RABGAP1L: variants seen among roughly 807,000 people sequenced by gnomAD.
The protein encoded by RABGAP1L is RAB GTPase activating protein 1 like.
A neutral mutation model predicts 137.7 loss-of-function variants in RABGAP1L; 63 were observed. The ratio of observed to expected loss-of-function variants is 0.46; its 90% confidence interval spans 0.37 to 0.56. The LOEUF is 0.56. RABGAP1L is among the 20% of genes least tolerant of loss of function. The pLI is 0.00. For synonymous variants in RABGAP1L, 431 were observed against 433.7 expected, an observed-to-expected ratio of 0.99 and a Z score of 0.08; for missense variants, 1,095 against 1,244.0, an observed-to-expected ratio of 0.88 and a Z score of 1.80.
intron 13 of RABGAP1L, among the ~76,000 whole-genome samples, chr1:174,396,420 A>G (rs1004237739): frequency 6.6e-6 from 1 of 152,026 alleles, no homozygotes; most frequent in African/African-American, 2.4e-5. Flanking sequence ...TTTACATCCT[A>G]TCTAAATTTC....
At chr1:174,608,097 C>T (rs989023526) in intron 13 of RABGAP1L, among the ~76,000 whole-genome samples, 8 of 152,132 alleles carry the variant, frequency 5.3e-5, no homozygotes, top group Admixed American at 3.9e-4. Flanking sequence ...CAAAGCATTT[C>T]GCAGGGCAGA....
At chr1:174,393,447 G>T (rs572458123) in intron 12 of RABGAP1L, among the ~76,000 whole-genome samples, 3 of 152,308 alleles carry the variant, frequency 2.0e-5, no homozygotes, top group Admixed American at 2.0e-4. Flanking sequence ...GTGGCCGCCA[G>T]GTAAAACTTG....
At chr1:174,470,785 A>T (rs1657829488) in intron 13 of RABGAP1L, among the ~76,000 whole-genome samples, 1 of 151,816 alleles carries the variant, frequency 6.6e-6, no homozygotes, top group African/African-American at 2.4e-5. Flanking sequence ...AAAAAAAATC[A>T]AAATAAAAAC....
At chr1:174,242,780 A>AT (rs915241696) in intron 5 of RABGAP1L, among the ~76,000 whole-genome samples, 5 of 152,114 alleles carry the variant, frequency 3.3e-5, no homozygotes, top group South Asian at 4.1e-4. Flanking sequence ...GGCTTTATCT[A>AT]TTTTTTTCCC....
chr1:174,427,674 G>A (rs1652121862), intron 13 of RABGAP1L, among the ~76,000 whole-genome samples: 1 of 152,022 alleles, frequency 6.6e-6, no homozygotes, highest in Non-Finnish European at 1.5e-5. Flanking sequence ...TATATTCTGG[G>A]TGGTTTTAAG....
At chr1:174,587,297 G>T (rs1669191574) in intron 13 of RABGAP1L, among the ~76,000 whole-genome samples, 1 of 107,080 alleles carries the variant, frequency 9.3e-6, no homozygotes, top group Non-Finnish European at 1.7e-5. Flanking sequence ...CTGTTGTGGG[G>T]TGGGGGGAGG....
intron 1 of RABGAP1L, among the ~76,000 whole-genome samples, chr1:174,197,282 T>G (rs907607820): frequency 1.3e-5 from 2 of 152,230 alleles, no homozygotes; most frequent in Admixed American, 6.5e-5. Flanking sequence ...TAAACCCAAG[T>G]GTCTGACTCC....
At chr1:174,802,063 C>G (rs1688808820) in intron 18 of RABGAP1L, among the ~76,000 whole-genome samples, 2 of 152,134 alleles carry the variant, frequency 1.3e-5, no homozygotes, top group Admixed American at 1.3e-4. Flanking sequence ...ATACTCAACT[C>G]TGCATTAGGG....
chr1:174,743,584 G>A (rs1683626636), intron 17 of RABGAP1L, among the ~76,000 whole-genome samples: 2 of 151,818 alleles, frequency 1.3e-5, no homozygotes, highest in Non-Finnish European at 1.5e-5. Context: ...AACCCCCTAT[G>A]TCACAAGTTT....
intron 1 of RABGAP1L, among the ~76,000 whole-genome samples, chr1:174,173,112 T>C (rs1307586775): frequency 1.3e-5 from 2 of 152,040 alleles, no homozygotes; most frequent in Admixed American, 6.6e-5. Flanking sequence ...TTTTGCTTTT[T>C]CCCCTCCAAG....
At chr1:174,778,067 A>G (rs1206946970) in intron 18 of RABGAP1L, among the ~76,000 whole-genome samples, 1 of 152,206 alleles carries the variant, frequency 6.6e-6, no homozygotes, top group African/African-American at 2.4e-5. Flanking sequence ...AAGTTTAGTG[A>G]ATTCCAAGCA....
chr1:174,496,048 A>T (rs1251542335), intron 13 of RABGAP1L, among the ~76,000 whole-genome samples: 1 of 151,724 alleles, frequency 6.6e-6, no homozygotes, highest in Non-Finnish European at 1.5e-5. Flanking sequence ...TTGAGTTTAA[A>T]TTTTTTTTTC....
chr1:174,330,189 C>A (rs549372240), intron 11 of RABGAP1L, among the ~76,000 whole-genome samples: 1 of 152,032 alleles, frequency 6.6e-6, no homozygotes, highest in Non-Finnish European at 1.5e-5. Flanking sequence ...AACTAATAAA[C>A]AAATTCAGTA....
chr1:174,309,909 T>A (rs928898500), intron 11 of RABGAP1L, among the ~76,000 whole-genome samples: 2 of 152,146 alleles, frequency 1.3e-5, no homozygotes, highest in African/African-American at 4.8e-5. Context: ...CTCTTGAAAT[T>A]TTTGGAAAAG....
At chr1:174,694,232 G>T (rs1044526279) in intron 15 of RABGAP1L, among the ~76,000 whole-genome samples, 6 of 150,832 alleles carry the variant, frequency 4.0e-5, no homozygotes, top group African/African-American at 1.5e-4. Context: ...AAGTTTTAGG[G>T]TACATGTGCA....
chr1:174,649,766 T>G (rs1214790067), intron 14 of RABGAP1L, among the ~76,000 whole-genome samples: 1 of 152,170 alleles, frequency 6.6e-6, no homozygotes, highest in Non-Finnish European at 1.5e-5. Context: ...AGATATGCAA[T>G]GATGTCATCT....
intron 17 of RABGAP1L, among the ~76,000 whole-genome samples, chr1:174,736,912 G>C (rs1682994899): frequency 6.6e-6 from 1 of 152,284 alleles, no homozygotes; most frequent in Admixed American, 6.5e-5. Context: ...AGGACAATGG[G>C]GCCCCGGGCC....
intron 19 of RABGAP1L, among the ~76,000 whole-genome samples, chr1:174,899,177 A>G (rs1294783576): frequency 6.6e-6 from 1 of 152,062 alleles, no homozygotes; most frequent in East Asian, 1.9e-4. Context: ...AAGAACTTAA[A>G]CTGCAGAGAC....
At chr1:174,321,519 C>T (rs546050870) in intron 11 of RABGAP1L, among the ~76,000 whole-genome samples, 1 of 152,280 alleles carries the variant, frequency 6.6e-6, no homozygotes, top group East Asian at 1.9e-4. Flanking sequence ...GTACTCTTTC[C>T]CTTTATTTCT....
Sources: gnomAD v4.1 joint callset for allele counts (sites outside exome capture counted in the v4.1 genomes callset) on GRCh38, gnomAD v4.1.1 for gene constraint, MANE v1.5 for transcripts, NCBI Gene and HGNC (gene_info 2026-07-23, HGNC 2026-07-21) for gene names.